Variants in MAPRE2 observed in about 807,000 individuals in gnomAD.
The protein encoded by MAPRE2 is microtubule associated protein RP/EB family member 2, also known as microtubule-associated protein RP/EB family member 2.
A neutral mutation model predicts 43.2 loss-of-function variants in MAPRE2; 13 were observed. That is an observed-to-expected ratio of 0.30 (90% CI 0.20 to 0.48). The LOEUF is 0.48. MAPRE2 is among the 20% of genes least tolerant of loss of function. The probability of loss-of-function intolerance (pLI) is 0.99; values close to 1 mark genes in which losing one functional copy is unlikely to be tolerated. For synonymous variants in MAPRE2, 135 were observed against 148.8 expected (o/e 0.91, Z 0.68); for missense variants, 161 against 400.2 (o/e 0.40, Z 5.10).
At chr18:35,001,021 G>T (rs1175736381) in intron 1 of MAPRE2, among the ~76,000 whole-genome samples, 3 of 152,162 alleles carry the variant, frequency 2.0e-5, no homozygotes, top group African/African-American at 7.2e-5. Flanking sequence ...GATCCCAGGA[G>T]GTTGAGGGTG....
chr18:35,057,728 A>T (rs1024789163), intron 1 of MAPRE2, among the ~76,000 whole-genome samples: 2 of 152,216 alleles, frequency 1.3e-5, no homozygotes, highest in Admixed American at 1.3e-4. Flanking sequence ...AAGAAGGATG[A>T]ACTCTGATCC....
chr18:34,985,323 TA>T (rs2097019458), intron 1 of MAPRE2, among the ~76,000 whole-genome samples: 1 of 41,258 alleles, frequency 2.4e-5, no homozygotes, highest in Non-Finnish European at 4.1e-5. Flanking sequence ...ATATTATATA[TA>T]TAATATAATA....
At chr18:35,115,907 G>T (rs1272336193) in intron 4 of MAPRE2, among the ~76,000 whole-genome samples, 1 of 152,054 alleles carries the variant, frequency 6.6e-6, no homozygotes, top group South Asian at 2.1e-4. Flanking sequence ...TGGATTCCTT[G>T]CTCTTTTTGT....
rs3786318 is a variant in MAPRE2, at chr18:35,132,334, A to C, written c.909+144A>C. The C allele has an allele frequency of 1.8e-3, 1,220 of 688,280 alleles. 37 individuals are homozygous for C. The East Asian group carries it at 0.033, about 19-fold the overall frequency. The allele number at this position is 688,280 out of a possible 1,614,324, so 42.6% of individuals were successfully genotyped here. ...AAGTGCACCTGATAGTCCCAAAGGA[A>C]TAAACATCGTTATCATCATGATCTA... On this transcript the variant is annotated intron_variant, in intron 6 of 6. Coordinates refer to ENST00000300249, the MANE Select transcript of MAPRE2 (RefSeq NM_014268.4).
intron 1 of MAPRE2, among the ~76,000 whole-genome samples, chr18:34,999,141 C>T (rs748554703): frequency 1.8e-4 from 27 of 152,142 alleles, no homozygotes; most frequent in Non-Finnish European, 2.6e-4. Context: ...CATTCTGCCA[C>T]GTAACATGCA....
chr18:35,091,499 A>T (rs1036320465), intron 2 of MAPRE2, among the ~76,000 whole-genome samples: 1 of 152,186 alleles, frequency 6.6e-6, no homozygotes, highest in Non-Finnish European at 1.5e-5. Context: ...AAAGCCATCT[A>T]TAGATCCAGT....
At chr18:35,075,220 G>T (rs1907290390) in intron 2 of MAPRE2, among the ~76,000 whole-genome samples, 1 of 152,218 alleles carries the variant, frequency 6.6e-6, no homozygotes, top group Admixed American at 6.5e-5. Context: ...GCCATCAGAT[G>T]GCCCTGGGAC....
intron 4 of MAPRE2, among the ~76,000 whole-genome samples, chr18:35,114,831 C>G (rs1909339936): frequency 6.6e-6 from 1 of 152,140 alleles, no homozygotes; most frequent in Non-Finnish European, 1.5e-5. Flanking sequence ...AATTCTATAA[C>G]TAAACCCCAT....
chr18:35,028,612 C>T (rs994239592), intron 2 of MAPRE2, among the ~76,000 whole-genome samples: 2 of 152,176 alleles, frequency 1.3e-5, no homozygotes, highest in Non-Finnish European at 2.9e-5. Context: ...ATCTCTGCAT[C>T]AATCCTCAGG....
intron 1 of MAPRE2, among the ~76,000 whole-genome samples, chr18:35,003,543 T>A (rs1450277184): frequency 1.4e-5 from 2 of 143,124 alleles, no homozygotes; most frequent in African/African-American, 5.1e-5. Flanking sequence ...ACTGATCCAT[T>A]GCGGCTGCTG....
intron 1 of MAPRE2, among the ~76,000 whole-genome samples, chr18:35,002,490 G>C (rs1333776672): frequency 6.6e-6 from 1 of 152,174 alleles, no homozygotes; most frequent in Non-Finnish European, 1.5e-5. Context: ...CTACAAAACT[G>C]TTTTCCACAG....
At chr18:35,044,643 G>C (rs1432502608) in intron 1 of MAPRE2, among the ~76,000 whole-genome samples, 1 of 152,166 alleles carries the variant, frequency 6.6e-6, no homozygotes, top group Non-Finnish European at 1.5e-5. Context: ...TCCTAAAAGA[G>C]CTATGTAACA....
At chr18:35,087,679 G>A (rs1907940626) in intron 2 of MAPRE2, among the ~76,000 whole-genome samples, 1 of 152,026 alleles carries the variant, frequency 6.6e-6, no homozygotes, top group Non-Finnish European at 1.5e-5. Context: ...CTTATGCCAG[G>A]TACTGTATTA....
intron 6 of MAPRE2, among the ~76,000 whole-genome samples, chr18:35,138,459 C>G (rs1910487518): frequency 6.6e-6 from 1 of 152,074 alleles, no homozygotes; most frequent in African/African-American, 2.4e-5. Context: ...CCAGATTTTT[C>G]CCCAAGTTTT....
chr18:35,136,331 C>G (rs1268412322), intron 6 of MAPRE2, among the ~76,000 whole-genome samples: 1 of 152,176 alleles, frequency 6.6e-6, no homozygotes, highest in Admixed American at 6.5e-5. Flanking sequence ...GCTTCTGTCA[C>G]TGGAGGGCCT....
At chr18:35,019,915 T>C (rs567703323) in intron 2 of MAPRE2, among the ~76,000 whole-genome samples, 4 of 152,202 alleles carry the variant, frequency 2.6e-5, no homozygotes, top group Non-Finnish European at 5.9e-5. Context: ...TTCCAAATAA[T>C]AATATTCTTA....
intron 2 of MAPRE2, among the ~76,000 whole-genome samples, chr18:35,088,808 G>A (rs1051837737): frequency 1.3e-5 from 2 of 152,166 alleles, no homozygotes; most frequent in Non-Finnish European, 1.5e-5. Flanking sequence ...AGGTTGAGTA[G>A]GATGCAGAAA....
At chr18:35,100,987 C>T (rs946889579) in intron 3 of MAPRE2, among the ~76,000 whole-genome samples, 2 of 152,112 alleles carry the variant, frequency 1.3e-5, no homozygotes, top group African/African-American at 2.4e-5. Context: ...TGCAGTCAGC[C>T]GAGATCGTGC....
At chr18:34,994,251 A>G (rs1360419601) in intron 1 of MAPRE2, among the ~76,000 whole-genome samples, 2 of 152,152 alleles carry the variant, frequency 1.3e-5, no homozygotes, top group African/African-American at 4.8e-5. Context: ...TGAAGGAAAT[A>G]AAGATATTAA....
Sources: allele counts gnomAD v4.1 joint callset (sites outside exome capture counted in the v4.1 genomes callset), GRCh38; gene constraint gnomAD v4.1.1; transcripts MANE v1.5; gene names NCBI Gene and HGNC (gene_info 2026-07-23, HGNC 2026-07-21).